Variants in ARL10 observed in about 807,000 individuals in gnomAD.
The protein encoded by ARL10 is ADP-ribosylation factor-like protein 10.
Under a neutral mutation model 26.1 loss-of-function variants are expected in ARL10, and 23 were observed. That is an observed-to-expected ratio of 0.88 (90% CI 0.63 to 1.25). The LOEUF is 1.25. ARL10 is among the 50% of genes most tolerant of loss of function. ARL10 has a pLI of 0.00. For synonymous variants in ARL10, 138 were observed against 149.1 expected, an observed-to-expected ratio of 0.93 and a Z score of 0.54; for missense variants, 300 against 323.6, an observed-to-expected ratio of 0.93 and a Z score of 0.56.
At chr5:176,388,211 A>G in intron 1 of ARL10, 1 of 1,536,110 alleles carries the variant, frequency 6.5e-7, no homozygotes, top group Non-Finnish European at 9.0e-7. Context: ...GAAGACAAGG[A>G]CCGAGACCCT....
downstream of ARL10, chr5:176,389,417 A>G (rs1177554188): frequency 1.2e-6 from 2 of 1,614,138 alleles, no homozygotes; most frequent in East Asian, 2.2e-5. Flanking sequence ...CATGATGCGC[A>G]CCCGGATCGC....
downstream of ARL10, among the ~76,000 whole-genome samples, chr5:176,404,435 G>T (rs1279792869): frequency 6.6e-6 from 1 of 152,178 alleles, no homozygotes; most frequent in Non-Finnish European, 1.5e-5. Context: ...CCTCTAATTC[G>T]CATTTTACAA....
At chr5:176,390,012 A>G (rs1459142981), downstream of ARL10, among the ~76,000 whole-genome samples, 1 of 151,780 alleles carries the variant, frequency 6.6e-6, no homozygotes, top group African/African-American at 2.4e-5. Flanking sequence ...GAGAAACCCC[A>G]TCTCTACTAA....
downstream of ARL10, chr5:176,384,452 C>A: frequency 7.0e-7 from 1 of 1,422,392 alleles, no homozygotes. Context: ...ATTAGGCAAG[C>A]CACTTGCTAT....
intron 1 of ARL10, among the ~76,000 whole-genome samples, chr5:176,399,600 T>C (rs1026704158): frequency 1.3e-5 from 2 of 151,760 alleles, no homozygotes; most frequent in Non-Finnish European, 2.9e-5. Context: ...TTTTTTTAAT[T>C]ATGGAAAAAA....
At position 176,381,284 on chromosome 5, in the gene ARL10, C is replaced by G. The variant is rs1005306228; in HGVS notation, c.*9389C>G. 3.3e-5 allele frequency: 5 copies of G among 152,194 alleles called. No homozygotes were observed. The highest frequency in any genetic ancestry group is 2.6e-4 in the Admixed American group (4 of 15,282). 9.4% of individuals were successfully genotyped at this position (152,194 alleles called of 1,614,324 possible). On this transcript the variant is annotated 3_prime_UTR_variant, in exon 4 of 4. Transcript: ENST00000310389. ...ATGGAGCTCAGAATCCTAGGAAGAA[C>G]TCACTATGACCTCCAGTTGCTGTGA...
the ARL10 span, among the ~76,000 whole-genome samples, chr5:176,414,215 A>G: frequency 6.6e-6 from 1 of 152,112 alleles, no homozygotes; most frequent in Non-Finnish European, 1.5e-5. Context: ...GACTGAGGAA[A>G]AGGGTGGTCT....
chr5:176,401,237 C>A (rs187680527), intron 1 of ARL10, among the ~76,000 whole-genome samples: 133 of 152,384 alleles, frequency 8.7e-4, no homozygotes, highest in Middle Eastern at 3.4e-3. Flanking sequence ...CATCTGCAGA[C>A]AACTGCACTG....
Position 176,366,574 on chromosome 5 carries a change from G to A in ARL10, c.378G>A (p.Leu126=), listed in dbSNP as rs1768315157. 1.2e-6 allele frequency: 2 copies of A among 1,613,966 alleles called. No individual in the cohort carries two copies. The highest frequency in any genetic ancestry group is 1.6e-4 in the Middle Eastern group (1 of 6,062). The change falls in exon 2 of 4, where the codon CTG becomes CTA. Residue 126 remains leucine (L), a synonymous_variant. Transcript: ENST00000310389. ...CCACCAAGGACTTTGAGGTGGACCT[G>A]CTAGAAAGTGAGCGGACACCCTACC... ...RLPTKDFEVD[L]LEIGGSQNLR...
chr5:176,391,744 A>G (rs1756269105), downstream of ARL10, among the ~76,000 whole-genome samples: 1 of 152,180 alleles, frequency 6.6e-6, no homozygotes, highest in South Asian at 2.1e-4. Context: ...AGGCTACCAG[A>G]AGCCAGAAGC....
At chr5:176,413,048 A>C in the ARL10 span, among the ~76,000 whole-genome samples, 4 of 152,142 alleles carry the variant, frequency 2.6e-5, no homozygotes, top group Non-Finnish European at 5.9e-5. Context: ...TCTCTGCCTC[A>C]GCCTCGAGAG....
At chr5:176,383,918 G>A (rs1303449954), downstream of ARL10, 19 of 1,450,766 alleles carry the variant, frequency 1.3e-5, no homozygotes, top group Admixed American at 2.4e-5. Context: ...TTGGCTGAGA[G>A]CAGAAAAATA....
downstream of ARL10, among the ~76,000 whole-genome samples, chr5:176,404,549 G>T (rs759496789): frequency 6.6e-6 from 1 of 152,160 alleles, no homozygotes; most frequent in East Asian, 1.9e-4. Context: ...CTAAACCTCC[G>T]CTGCAGCCTG....
exon 2 of ARL10, chr5:176,388,619 C>T (rs1426689568): frequency 1.3e-5 from 18 of 1,412,214 alleles, no homozygotes; most frequent in Non-Finnish European, 1.7e-5. Flanking sequence ...TTCCGGAAGG[C>T]GTGCACAAGG....
chr5:176,389,041 G>C, downstream of ARL10: 2 of 1,579,900 alleles, frequency 1.3e-6, no homozygotes, highest in Non-Finnish European at 8.6e-7. Context: ...AGTAGAGAAG[G>C]ACCAGAGCGC....
In ARL10 at chr5:176,378,433, G is replaced by C. The variant is rs141286712; in HGVS notation, c.*6538G>C. The C allele has an allele frequency of 1.8e-4, 28 of 152,366 alleles. No homozygotes were observed. The highest frequency in any genetic ancestry group is 6.3e-4 in the African/African-American group (26 of 41,588). 9.4% of individuals were successfully genotyped at this position (152,366 alleles called of 1,614,324 possible). A position where few individuals can be genotyped will look rare whatever the true frequency, so the allele number is the denominator to read the frequency against. ...TTATACCAATTTGTGATGGCAACAG[G>C]ATAGTAGCAAGTTCATCCACTTGAG... On this transcript the variant is annotated 3_prime_UTR_variant, in exon 4 of 4. Transcript: ENST00000310389.
In ARL10 at chr5:176,366,367, C is replaced by T. The variant is rs1768301305; in HGVS notation, c.184-13C>T. On this transcript the variant is annotated splice_polypyrimidine_tract_variant and intron_variant, in intron 1 of 3. Coordinates refer to ENST00000310389, the MANE Select transcript of ARL10 (RefSeq NM_173664.6). ...AGGCCGCCAGCCGCAACCTTACCTC[C>T]GCTTCCCCGCAGCCCGAGGACGAGG... The T allele has an allele frequency of 1.2e-6, 2 of 1,600,422 alleles. No homozygotes were observed. The highest frequency in any genetic ancestry group is 1.3e-5 in the African/African-American group (1 of 74,886).
At chr5:176,365,800 G>A (rs1015098378) in intron 1 of ARL10, 54 bp downstream of exon 1, 71 of 1,230,616 alleles carry the variant, frequency 5.8e-5, no homozygotes, top group Non-Finnish European at 7.1e-5. Flanking sequence ...CTGCGACTCC[G>A]CGCATGTGGC....
At chr5:176,414,488 G>A in the ARL10 span, among the ~76,000 whole-genome samples, 1 of 148,960 alleles carries the variant, frequency 6.7e-6, no homozygotes, top group Non-Finnish European at 1.5e-5. Context: ...CTGGAGTACA[G>A]AGACGTGATC....
Sources: allele counts gnomAD v4.1 joint callset (sites outside exome capture counted in the v4.1 genomes callset), GRCh38; gene constraint gnomAD v4.1.1; transcripts MANE v1.5; gene names NCBI Gene and HGNC (gene_info 2026-07-23, HGNC 2026-07-21).